The following IMPA2 variants were observed in gnomAD, a reference collection of about 807,000 sequenced individuals.
The protein encoded by IMPA2 is inositol monophosphatase 2.
In IMPA2, 32 loss-of-function variants were observed where a neutral mutation model predicts 35.1. That is an observed-to-expected ratio of 0.91 (90% CI 0.69 to 1.23). IMPA2 has a LOEUF of 1.23. Among genes scored for constraint, IMPA2 ranks in the 50% most tolerant of loss-of-function variants. IMPA2 has a pLI of 0.00. For synonymous variants in IMPA2, 135 were observed against 160.6 expected, an observed-to-expected ratio of 0.84 and a Z score of 1.20; for missense variants, 334 against 387.6, an observed-to-expected ratio of 0.86 and a Z score of 1.16.
intron 2 of IMPA2, among the ~76,000 whole-genome samples, chr18:12,001,168 G>T (rs1421557268): frequency 1.3e-5 from 2 of 151,982 alleles, no homozygotes; most frequent in African/African-American, 2.4e-5. Flanking sequence ...GGCGGAGGTT[G>T]CAGTGAGCCG....
rs961747683 is a variant in IMPA2, at chr18:12,030,696, G to C, written c.*238G>C. ...CACGTAGCCTTTTTCAGGTTAGTAC[G>C]TGTTCTTCTGTCAGGGCCAAAACTC... On this transcript the variant is annotated 3_prime_UTR_variant, in exon 8 of 8. Transcript: ENST00000269159. The C allele has an allele frequency of 1.0e-5, 5 of 496,530 alleles. No individual in the cohort carries two copies. Among genetic ancestry groups the C allele is most frequent in the Non-Finnish European group, 1.8e-5 (5 of 278,152 alleles). The allele number at this position is 496,530 out of a possible 1,614,324, so 30.8% of individuals were successfully genotyped here.
Position 12,012,173 on chromosome 18 carries a change from C to A in IMPA2, c.339C>A (p.Phe113Leu). 1 of 1,614,152 alleles carries A rather than the reference C, an allele frequency of 6.2e-7. No individual in the cohort carries two copies. The highest frequency in any genetic ancestry group is 1.1e-5 in the South Asian group (1 of 91,080). Residue 113 changes from phenylalanine to leucine, a missense_variant, in exon 4 of 8, where the codon TTC (phenylalanine) becomes TTA (leucine). By Grantham distance (22) the Phe-to-Leu change is conservative (BLOSUM62 0). Transcript: ENST00000269159. Reference sequence around the variant, plus strand: ...ACCTTTCTATTTTCCTTTGCAGATTCCCGACTGTGGCGGTTAGCATTGGAT... The same window carrying A: ...ACCTTTCTATTTTCCTTTGCAGATTACCGACTGTGGCGGTTAGCATTGGAT... Reference protein sequence around the residue: ...IDGTCNFVHRFPTVAVSIGFA... With the variant: ...IDGTCNFVHRLPTVAVSIGFA...
chr18:11,995,626 C>T (rs74406276), intron 1 of IMPA2, among the ~76,000 whole-genome samples: 3,018 of 152,252 alleles, frequency 0.02, 69 homozygotes, highest in African/African-American at 0.046. Context: ...GCATGGTCAC[C>T]GTGACCATGT....
intron 5 of IMPA2, among the ~76,000 whole-genome samples, chr18:12,024,125 A>G (rs536698914): frequency 6.6e-6 from 1 of 152,376 alleles, no homozygotes; most frequent in South Asian, 2.1e-4. Context: ...TTATTGCACC[A>G]GATGGAATAG....
At chr18:11,984,614 T>C (rs1906602449) in intron 1 of IMPA2, among the ~76,000 whole-genome samples, 2 of 151,548 alleles carry the variant, frequency 1.3e-5, no homozygotes, top group Non-Finnish European at 2.9e-5. Flanking sequence ...CTGAGGCTTG[T>C]GGATCACCTG....
At chr18:12,012,515 G>T (rs1274321100) in intron 4 of IMPA2, among the ~76,000 whole-genome samples, 1 of 152,206 alleles carries the variant, frequency 6.6e-6, no homozygotes, top group Non-Finnish European at 1.5e-5. Flanking sequence ...AACGGTCCAA[G>T]TGCATCTCCA....
At chr18:12,027,152 T>C (rs987988052) in intron 5 of IMPA2, among the ~76,000 whole-genome samples, 1 of 152,214 alleles carries the variant, frequency 6.6e-6, no homozygotes, top group African/African-American at 2.4e-5. Context: ...TTTGGCACTG[T>C]CCTGCCCGGG....
chr18:12,029,108 GTTT>G (rs1158665365), intron 7 of IMPA2, 115 bp downstream of exon 7: 7,854 of 263,362 alleles, frequency 0.03, no homozygotes, highest in East Asian at 0.081. Flanking sequence ...CAGAGTTTCT[GTTT>G]TTTTTTTTTT....
rs374765916 is a variant in IMPA2 at position 12,014,243 on chromosome 18, G to T, written c.382-22G>T. On this transcript the variant is annotated intron_variant, in intron 4 of 7. Transcript: ENST00000269159. ...AACGAGTGAACCATCTTTGTTTTCT[G>T]TCCTGCCTCTGCCGCCCACAGCTTG... 4 of 1,559,592 alleles carry T rather than the reference G, an allele frequency of 2.6e-6. No homozygotes were observed. The East Asian group carries it at 9.0e-5, about 35-fold the overall frequency.
chr18:12,014,499 A>G (rs1907524396), intron 5 of IMPA2, 126 bp downstream of exon 5: 3 of 580,998 alleles, frequency 5.2e-6, no homozygotes, highest in Non-Finnish European at 9.0e-6. Context: ...CTTTTTAGGG[A>G]CATCGTGTCC....
rs1482953077 is a variant in IMPA2 at position 11,991,142 on chromosome 18, A to G, written c.97-7912A>G. Among the ~76,000 whole-genome samples the G allele has an allele frequency of 6.6e-6, 1 of 152,072 alleles. No homozygotes were observed. The highest frequency in any genetic ancestry group is 1.5e-5 in the Non-Finnish European group (1 of 68,024). On this transcript the variant is annotated intron_variant, in intron 1 of 7. Transcript: ENST00000269159. This position sits in a 1 kb window ranked among gnomAD's most constrained non-coding sequence, Gnocchi z 4.1. ...AGATGAGCCGCAGAATGGTGGGGAG[A>G]TAGGAGGAAAGCCACGAGGGGAGGC...
At chr18:12,009,132 C>A (rs192189771) in intron 2 of IMPA2, among the ~76,000 whole-genome samples, 3 of 152,270 alleles carry the variant, frequency 2.0e-5, no homozygotes, top group Admixed American at 2.0e-4. Flanking sequence ...AAAATACTAG[C>A]TGAATGTGGT....
intron 2 of IMPA2, among the ~76,000 whole-genome samples, chr18:12,008,876 A>T (rs955288880): frequency 6.6e-6 from 1 of 152,210 alleles, no homozygotes; most frequent in Non-Finnish European, 1.5e-5. Context: ...CCTTGTTTGC[A>T]GAGGGACTCA....
Position 12,030,679 on chromosome 18 carries a change from CT to C in IMPA2, c.*226del. 1.3e-5 allele frequency: 7 copies of C among 552,122 alleles called. No individual in the cohort carries two copies. Among genetic ancestry groups the C allele is most frequent in the East Asian group, 3.1e-5 (1 of 32,500 alleles). The allele number at this position is 552,122 out of a possible 1,614,324, so 34.2% of individuals were successfully genotyped here. A position where few individuals can be genotyped will look rare whatever the true frequency, so the allele number is the denominator to read the frequency against. ...GTTTCTCTCTTTAATCTCACGTAGC[CT>C]TTTTCAGGTTAGTACGTGTTCTTCT... On this transcript the variant is annotated 3_prime_UTR_variant, in exon 8 of 8. Coordinates refer to ENST00000269159, the MANE Select transcript of IMPA2 (RefSeq NM_014214.3).
At chr18:12,012,453 T>G in intron 4 of IMPA2, 1 of 554,320 alleles carries the variant, frequency 1.8e-6, no homozygotes, top group South Asian at 2.6e-5. Context: ...GCTGGCCTCG[T>G]GTCAACCGTG....
At chr18:11,982,116 GGAAGCCCGGGGCTAAGCCCCAGCC>G (rs373477382) in intron 1 of IMPA2, among the ~76,000 whole-genome samples, 3 of 152,306 alleles carry the variant, frequency 2.0e-5, no homozygotes, top group African/African-American at 7.2e-5. Flanking sequence ...GCTCGCGGTA[GGAAGCCCGGGGCTAAGCCCCAGCC>G]GCGTGGGGAT....
At chr18:11,995,098 G>A (rs771115003) in intron 1 of IMPA2, among the ~76,000 whole-genome samples, 5 of 152,224 alleles carry the variant, frequency 3.3e-5, no homozygotes, top group Admixed American at 6.5e-5. Context: ...CAGCTGCTGA[G>A]TGGATGGTTT....
intron 1 of IMPA2, among the ~76,000 whole-genome samples, chr18:11,990,087 C>A (rs1224694877): frequency 6.6e-6 from 1 of 152,156 alleles, no homozygotes; most frequent in East Asian, 1.9e-4. Context: ...CTTCTCTCTT[C>A]TGTGGGAGTG....
At chr18:12,023,209 C>T (rs538944065) in intron 5 of IMPA2, among the ~76,000 whole-genome samples, 13 of 152,272 alleles carry the variant, frequency 8.5e-5, no homozygotes, top group African/African-American at 3.1e-4. Context: ...TTTTCACAAA[C>T]AGGAAAACTA....
Sources: allele counts gnomAD v4.1 joint callset (sites outside exome capture counted in the v4.1 genomes callset), GRCh38; gene constraint gnomAD v4.1.1; non-coding constraint Gnocchi (gnomAD v3.1); transcripts MANE v1.5; gene names NCBI Gene and HGNC (gene_info 2026-07-23, HGNC 2026-07-21).